Variants in KHDRBS3 observed in about 807,000 individuals in gnomAD.
KHDRBS3 encodes the protein KH RNA binding domain containing, signal transduction associated 3, also known as KH domain-containing, RNA-binding, signal transduction-associated protein 3.
KHDRBS3 carries 23 observed loss-of-function variants against 45.6 expected under a neutral mutation model. The ratio of observed to expected loss-of-function variants is 0.50; its 90% CI spans 0.36 to 0.72. KHDRBS3 has a LOEUF of 0.72. KHDRBS3 is among the 30% of genes least tolerant of loss of function. KHDRBS3 has a pLI of 0.00. For synonymous variants in KHDRBS3, 162 were observed against 156.5 expected, an observed-to-expected ratio of 1.04 and a Z score of -0.26; for missense variants, 352 against 424.8, an observed-to-expected ratio of 0.83 and a Z score of 1.51.
chr8:135,607,145 C>T (rs1829501345), intron 7 of KHDRBS3, 108 bp downstream of exon 7: 3 of 776,476 alleles, frequency 3.9e-6, no homozygotes, highest in Admixed American at 2.5e-5. Context: ...AATTGGCTTG[C>T]CCTGTTTTTG....
intron 6 of KHDRBS3, among the ~76,000 whole-genome samples, chr8:135,592,016 G>A (rs1372348196): frequency 1.3e-5 from 2 of 152,116 alleles, no homozygotes; most frequent in Non-Finnish European, 2.9e-5. Flanking sequence ...GAAAAGCCTA[G>A]GGACACCTTT....
chr8:135,619,231 C>T (rs1168350979), intron 7 of KHDRBS3, among the ~76,000 whole-genome samples: 1 of 152,044 alleles, frequency 6.6e-6, no homozygotes, highest in African/African-American at 2.4e-5. Flanking sequence ...GATTGCTGTA[C>T]CACATGAAAA....
intron 1 of KHDRBS3, among the ~76,000 whole-genome samples, chr8:135,501,664 G>A (rs138179034): frequency 1.3e-5 from 2 of 152,042 alleles, no homozygotes; most frequent in South Asian, 2.1e-4. Flanking sequence ...GTAGCTTATC[G>A]ATTTTTTTTT....
intron 1 of KHDRBS3, among the ~76,000 whole-genome samples, chr8:135,487,036 A>G (rs1459880252): frequency 6.6e-6 from 1 of 152,106 alleles, no homozygotes; most frequent in Non-Finnish European, 1.5e-5. Context: ...TTCTTCCTTT[A>G]TTCTTTCCTT....
chr8:135,518,567 T>G lies in KHDRBS3; in HGVS notation c.89-2670T>G, dbSNP rs141463431. Among the ~76,000 whole-genome samples, 603 of 152,348 alleles carry G rather than the reference T, an allele frequency of 4.0e-3. 6 individuals are homozygous for G. Among genetic ancestry groups the G allele is most frequent in the Non-Finnish European group, 6.3e-3 (426 of 68,036 alleles). ...AAAAAAATTTTAGGACGTTTCAGTG[T>G]ACCTGATTTTGTTGAATCGTCTAAC... On this transcript the variant is annotated intron_variant, in intron 1 of 8. Transcript: ENST00000355849.
At chr8:135,483,124 AAAAG>A (rs1190559909) in intron 1 of KHDRBS3, among the ~76,000 whole-genome samples, 4 of 152,182 alleles carry the variant, frequency 2.6e-5, no homozygotes, top group African/African-American at 9.7e-5. Flanking sequence ...TTTTGCATTA[AAAAG>A]AAAGGTCAAA....
chr8:135,465,154 A>G (rs1042887879), intron 1 of KHDRBS3, among the ~76,000 whole-genome samples: 4 of 152,176 alleles, frequency 2.6e-5, no homozygotes, highest in Admixed American at 1.3e-4. Flanking sequence ...GTGCAGAAAG[A>G]GCCATGTGAT....
intron 7 of KHDRBS3, among the ~76,000 whole-genome samples, chr8:135,643,295 C>G (rs1406394666): frequency 6.6e-6 from 1 of 152,154 alleles, no homozygotes; most frequent in Non-Finnish European, 1.5e-5. Context: ...ACTGCATGCT[C>G]CAAGCCATTC....
intron 1 of KHDRBS3, among the ~76,000 whole-genome samples, chr8:135,483,472 A>C (rs1211502664): frequency 6.6e-6 from 1 of 152,212 alleles, no homozygotes; most frequent in Non-Finnish European, 1.5e-5. Context: ...CTATGGGAGA[A>C]AATGGAGGGA....
intron 7 of KHDRBS3, among the ~76,000 whole-genome samples, chr8:135,614,135 C>G (rs558173858): frequency 6.6e-6 from 1 of 151,926 alleles, no homozygotes; most frequent in East Asian, 1.9e-4. Context: ...TAATGAGTAA[C>G]AAGATTTTGA....
chr8:135,505,284 G>T (rs902292107), intron 1 of KHDRBS3, among the ~76,000 whole-genome samples: 4 of 152,184 alleles, frequency 2.6e-5, no homozygotes, highest in Admixed American at 6.6e-5. Flanking sequence ...CTAGAGCTCA[G>T]TGAGGCCAAG....
intron 7 of KHDRBS3, among the ~76,000 whole-genome samples, chr8:135,628,851 A>G (rs1393459472): frequency 2.0e-5 from 3 of 152,192 alleles, no homozygotes; most frequent in Non-Finnish European, 4.4e-5. Context: ...GTCTCATGAG[A>G]GATTAAGGTT....
chr8:135,518,778 CTGTG>C (rs3029845), intron 1 of KHDRBS3, among the ~76,000 whole-genome samples: 3 of 151,762 alleles, frequency 2.0e-5, no homozygotes, highest in African/African-American at 7.2e-5. Flanking sequence ...AATTTTCAAA[CTGTG>C]TGTGTGTGTG....
At chr8:135,592,321 G>GA (rs142124726) in intron 6 of KHDRBS3, among the ~76,000 whole-genome samples, 2,168 of 151,590 alleles carry the variant, frequency 0.014, 40 homozygotes, top group African/African-American at 0.049. Flanking sequence ...GCTCTAAAAT[G>GA]AAAATGTCAT....
chr8:135,646,807 T>G (rs751034569), intron 8 of KHDRBS3, among the ~76,000 whole-genome samples, 186 bp from the exon 9 acceptor site: 35 of 152,230 alleles, frequency 2.3e-4, no homozygotes, highest in South Asian at 4.1e-4. Flanking sequence ...AGTGAGATGA[T>G]TATTTTTCCT....
At chr8:135,638,116 A>AC (rs1225840507) in intron 7 of KHDRBS3, among the ~76,000 whole-genome samples, 1 of 152,168 alleles carries the variant, frequency 6.6e-6, no homozygotes, top group Non-Finnish European at 1.5e-5. Context: ...GGAAGATTTA[A>AC]CCCCCACATC....
At chr8:135,466,355 G>A (rs540116688) in intron 1 of KHDRBS3, among the ~76,000 whole-genome samples, 47 of 152,288 alleles carry the variant, frequency 3.1e-4, no homozygotes, top group African/African-American at 1.1e-3. Context: ...CAGGTAAGAA[G>A]TGGAGGTTAG....
chr8:135,537,175 T>C (rs1051393813), intron 2 of KHDRBS3, among the ~76,000 whole-genome samples: 1 of 152,024 alleles, frequency 6.6e-6, no homozygotes. Context: ...AGTGGCACCA[T>C]TTGCTGGGCT....
intron 6 of KHDRBS3, among the ~76,000 whole-genome samples, chr8:135,600,576 G>A (rs967452382): frequency 1.8e-4 from 28 of 152,226 alleles, no homozygotes; most frequent in Non-Finnish European, 3.2e-4. Context: ...CACAGTATTA[G>A]AGACCTCTTG....
Sources: gnomAD v4.1 joint callset for allele counts (sites outside exome capture counted in the v4.1 genomes callset) on GRCh38, gnomAD v4.1.1 for gene constraint, MANE v1.5 for transcripts, NCBI Gene and HGNC (gene_info 2026-07-23, HGNC 2026-07-21) for gene names.